CSMD1: variants seen among roughly 807,000 people sequenced by gnomAD.
CSMD1 encodes CUB and sushi domain-containing protein 1.
A neutral mutation model predicts 417.5 loss-of-function variants in CSMD1; 213 were observed. The observed-to-expected ratio is 0.51, with a 90% CI of 0.46 to 0.57. CSMD1 has a LOEUF of 0.57. Ranked by LOEUF, CSMD1 falls within the 20% of genes least tolerant of loss-of-function variation. The pLI, the probability that CSMD1 is intolerant of heterozygous loss-of-function variation, is 0.00. For synonymous variants in CSMD1, 2,862 were observed against 1,736.8 expected (o/e 1.65, Z -16.11); for missense variants, 6,923 against 4,529.7 (o/e 1.53, Z -15.17).
At chr8:4,571,724 G>A (rs1798904125) in intron 2 of CSMD1, among the ~76,000 whole-genome samples, 1 of 152,094 alleles carries the variant, frequency 6.6e-6, no homozygotes, top group Non-Finnish European at 1.5e-5. Context: ...TATTGACAGT[G>A]GGTGTTAAAC....
chr8:3,968,334 A>G (rs141265846), intron 5 of CSMD1, among the ~76,000 whole-genome samples: 1 of 152,290 alleles, frequency 6.6e-6, no homozygotes, highest in East Asian at 1.9e-4. Context: ...ACAGAGGGCT[A>G]TAATCTCCCT....
chr8:4,666,442 C>G (rs746452443), intron 1 of CSMD1, among the ~76,000 whole-genome samples: 2 of 152,076 alleles, frequency 1.3e-5, no homozygotes, highest in Non-Finnish European at 2.9e-5. Flanking sequence ...GCACAGGAGA[C>G]AAGCAATGTG....
chr8:3,863,462 C>G (rs1039625345), intron 5 of CSMD1, among the ~76,000 whole-genome samples: 1 of 151,720 alleles, frequency 6.6e-6, no homozygotes, highest in Non-Finnish European at 1.5e-5. Context: ...TTAGTCTCTT[C>G]CCAATGACCC....
At chr8:4,202,294 T>G (rs1046272126) in intron 3 of CSMD1, among the ~76,000 whole-genome samples, 1 of 152,190 alleles carries the variant, frequency 6.6e-6, no homozygotes, top group Non-Finnish European at 1.5e-5. Context: ...TTTAAAAAAA[T>G]GAAGCATCTG....
intron 5 of CSMD1, among the ~76,000 whole-genome samples, chr8:3,810,446 C>T (rs1481701): frequency 8.6e-5 from 13 of 151,976 alleles, no homozygotes; most frequent in South Asian, 2.1e-4. Context: ...GAAGGGAGCA[C>T]GGGAGGACCT....
At chr8:4,813,198 G>A (rs367823982) in intron 1 of CSMD1, among the ~76,000 whole-genome samples, 1 of 152,062 alleles carries the variant, frequency 6.6e-6, no homozygotes, top group African/African-American at 2.4e-5. Flanking sequence ...TGCATGTTTT[G>A]GGCTTAGGAA....
chr8:3,327,197 C>T (rs149117024), intron 23 of CSMD1, among the ~76,000 whole-genome samples: 2,404 of 151,568 alleles, frequency 0.016, 69 homozygotes, highest in African/African-American at 0.055. Context: ...CTGGAGTGTG[C>T]AGTGGCAGGA....
chr8:4,707,998 C>A (rs900536681), intron 1 of CSMD1, among the ~76,000 whole-genome samples: 8 of 151,430 alleles, frequency 5.3e-5, no homozygotes, highest in Non-Finnish European at 1.0e-4. Context: ...CAGGCTAGTG[C>A]AGTGACATGA....
intron 1 of CSMD1, among the ~76,000 whole-genome samples, chr8:4,928,896 C>T (rs951635963): frequency 6.6e-6 from 1 of 151,998 alleles, no homozygotes; most frequent in Admixed American, 6.6e-5. Flanking sequence ...TGGTGAAACC[C>T]CATCTCAACT....
intron 1 of CSMD1, among the ~76,000 whole-genome samples, chr8:4,694,421 G>A (rs377098354): frequency 2.4e-4 from 37 of 151,738 alleles, no homozygotes; most frequent in Admixed American, 9.2e-4. Flanking sequence ...GTGTGATCTT[G>A]GGTCACTGCA....
At chr8:3,310,145 C>T (rs79689286) in intron 23 of CSMD1, among the ~76,000 whole-genome samples, 2,094 of 152,284 alleles carry the variant, frequency 0.014, 54 homozygotes, top group African/African-American at 0.047. Flanking sequence ...CAATCACCTC[C>T]GGTTTCAGGG....
intron 3 of CSMD1, among the ~76,000 whole-genome samples, chr8:4,189,516 A>C (rs1261725331): frequency 6.6e-6 from 1 of 152,228 alleles, no homozygotes; most frequent in African/African-American, 2.4e-5. Flanking sequence ...ATAAACATAT[A>C]TTAAAGATCA....
intron 23 of CSMD1, among the ~76,000 whole-genome samples, chr8:3,340,445 G>A (rs1439227632): frequency 6.6e-6 from 1 of 152,040 alleles, no homozygotes; most frequent in African/African-American, 2.4e-5. Flanking sequence ...ATCTACTCAT[G>A]TATATGCATT....
chr8:3,658,364 G>C (rs1039576952), intron 7 of CSMD1, among the ~76,000 whole-genome samples: 7 of 151,126 alleles, frequency 4.6e-5, no homozygotes, highest in African/African-American at 2.4e-5. Context: ...TTTGTAATAA[G>C]AATTACTCTT....
At chr8:4,559,876 G>A (rs1186419251) in intron 2 of CSMD1, among the ~76,000 whole-genome samples, 2 of 152,176 alleles carry the variant, frequency 1.3e-5, no homozygotes, top group South Asian at 2.1e-4. Context: ...CCAGGAAAAC[G>A]TTCTAGAGCC....
At chr8:4,287,246 A>T (rs1797110489) in intron 3 of CSMD1, among the ~76,000 whole-genome samples, 1 of 152,214 alleles carries the variant, frequency 6.6e-6, no homozygotes. Flanking sequence ...AAGTTCTAAA[A>T]GATTCCCCCT....
At chr8:4,719,880 G>A (rs532419886) in intron 1 of CSMD1, among the ~76,000 whole-genome samples, 6 of 152,128 alleles carry the variant, frequency 3.9e-5, no homozygotes, top group South Asian at 2.1e-4. Context: ...TCCCTATGCA[G>A]GGCTCACATA....
At chr8:4,314,691 C>A (rs1326609725) in intron 3 of CSMD1, among the ~76,000 whole-genome samples, 1 of 152,122 alleles carries the variant, frequency 6.6e-6, no homozygotes, top group Non-Finnish European at 1.5e-5. Context: ...AAATGCCTTT[C>A]AAGTTTTTAT....
chr8:3,183,240 A>G (rs557178200), intron 36 of CSMD1: 2 of 124,140 alleles, frequency 1.6e-5, no homozygotes, highest in Non-Finnish European at 3.5e-5. Context: ...TAACGATACC[A>G]TCGGCATCCA....
Sources: allele counts gnomAD v4.1 joint callset (sites outside exome capture counted in the v4.1 genomes callset), GRCh38; gene constraint gnomAD v4.1.1; transcripts MANE v1.5; gene names NCBI Gene and HGNC (gene_info 2026-07-23, HGNC 2026-07-21).